DLGAP2: variants seen among roughly 807,000 people sequenced by gnomAD.
The protein encoded by DLGAP2 is disks large-associated protein 2.
Under a neutral mutation model 100.3 loss-of-function variants are expected in DLGAP2, and 26 were observed. The ratio of observed to expected loss-of-function variants is 0.26; its 90% CI spans 0.19 to 0.36. The LOEUF (loss-of-function observed/expected upper bound fraction) is 0.36, where lower values mean the gene tolerates loss of function less well. DLGAP2 is among the 10% of genes least tolerant of loss of function. The probability of loss-of-function intolerance (pLI) is 1.00; values close to 1 mark genes in which losing one functional copy is unlikely to be tolerated. For missense variants in DLGAP2, 1,858 were observed against 1,453.2 expected (o/e 1.28, Z -4.53); for synonymous variants, 886 against 630.1 (o/e 1.41, Z -6.08).
chr8:1,640,943 A>G (rs1290573693), intron 8 of DLGAP2, among the ~76,000 whole-genome samples: 1 of 152,206 alleles, frequency 6.6e-6, no homozygotes, highest in Non-Finnish European at 1.5e-5. Flanking sequence ...GAGTGGATGA[A>G]AGCCGGTTGG....
At chr8:1,562,548 T>A in intron 5 of DLGAP2, among the ~76,000 whole-genome samples, 3 of 42,122 alleles carry the variant, frequency 7.1e-5, no homozygotes, top group South Asian at 1.8e-3. Context: ...GACTGTGTGG[T>A]GTTGGGTGTC....
At chr8:1,683,836 A>ATATATATATG (rs1259860325) in intron 12 of DLGAP2, among the ~76,000 whole-genome samples, 2 of 51,220 alleles carry the variant, frequency 3.9e-5, no homozygotes, top group African/African-American at 2.5e-4. Context: ...TTGCTCCACT[A>ATATATATATG]TATATATATA....
chr8:1,597,810 GCAAA>G (rs1024573859), intron 6 of DLGAP2, among the ~76,000 whole-genome samples: 7 of 152,168 alleles, frequency 4.6e-5, no homozygotes, highest in African/African-American at 1.7e-4. Flanking sequence ...CATGTCATCT[GCAAA>G]CAGAGAGAAT....
chr8:874,342 C>G (rs1797651350), intron 1 of DLGAP2, among the ~76,000 whole-genome samples: 2 of 152,074 alleles, frequency 1.3e-5, no homozygotes, highest in African/African-American at 4.8e-5. Context: ...GCATTTACAG[C>G]TATAAATTTC....
chr8:1,473,743 G>T (rs1339669994), intron 3 of DLGAP2, among the ~76,000 whole-genome samples: 2 of 152,102 alleles, frequency 1.3e-5, no homozygotes, highest in South Asian at 2.1e-4. Context: ...CATGGGGTGG[G>T]TCCCTCCATA....
chr8:1,570,502 A>C lies in DLGAP2; in HGVS notation c.1442+4608A>C, dbSNP rs1434227305. ...CTCATTTGTCTTAGTTTTAAAATTG[A>C]TTTCTGAGTTGACCATTCCCACCTA... is the stretch of plus-strand genomic sequence containing the variant. On this transcript the variant is annotated intron_variant, in intron 6 of 14. Coordinates refer to ENST00000637795, the MANE Select transcript of DLGAP2 (RefSeq NM_001346810.2). Among the ~76,000 whole-genome samples, 4 of 152,358 alleles carry C rather than the reference A, an allele frequency of 2.6e-5. No homozygotes were observed. In the South Asian group the frequency reaches 6.2e-4, roughly 24 times the overall value.
At chr8:1,219,774 G>C (rs1206618378) in intron 2 of DLGAP2, among the ~76,000 whole-genome samples, 2 of 151,990 alleles carry the variant, frequency 1.3e-5, no homozygotes, top group Non-Finnish European at 2.9e-5. Flanking sequence ...GCTTATTACA[G>C]AATCAATTTT....
intron 3 of DLGAP2, among the ~76,000 whole-genome samples, chr8:1,470,266 G>A (rs914627613): frequency 6.6e-6 from 1 of 152,130 alleles, no homozygotes; most frequent in African/African-American, 2.4e-5. Context: ...CCTGTGTTAA[G>A]TCCTGGCAGC....
At chr8:1,663,253 G>A (rs1455595237) in intron 8 of DLGAP2, among the ~76,000 whole-genome samples, 4 of 152,022 alleles carry the variant, frequency 2.6e-5, no homozygotes, top group African/African-American at 4.8e-5. Flanking sequence ...ATGCACATGC[G>A]CACTCCAAGG....
At chr8:795,627 AG>A (rs1243561466) in intron 1 of DLGAP2, among the ~76,000 whole-genome samples, 1 of 150,854 alleles carries the variant, frequency 6.6e-6, no homozygotes, top group East Asian at 1.9e-4. Flanking sequence ...GTCCAGTGAG[AG>A]CAGGCGTCCA....
chr8:852,093 A>G (rs1797192601), intron 1 of DLGAP2, among the ~76,000 whole-genome samples: 1 of 152,108 alleles, frequency 6.6e-6, no homozygotes, highest in African/African-American at 2.4e-5. Context: ...CTTTGGTGTA[A>G]ATTTTGATTT....
intron 5 of DLGAP2, among the ~76,000 whole-genome samples, chr8:1,562,014 A>G (rs1338815593): frequency 6.0e-5 from 2 of 33,314 alleles, no homozygotes; most frequent in East Asian, 1.2e-3. Flanking sequence ...GCGCCTCGTT[A>G]CTGGGGGACT....
At chr8:1,574,880 T>C (rs1802896461) in intron 6 of DLGAP2, among the ~76,000 whole-genome samples, 1 of 152,192 alleles carries the variant, frequency 6.6e-6, no homozygotes, top group Non-Finnish European at 1.5e-5. Flanking sequence ...TTTGCAAGCA[T>C]TGAGAAAATA....
intron 6 of DLGAP2, among the ~76,000 whole-genome samples, chr8:1,623,334 G>T (rs1182242859): frequency 2.0e-5 from 3 of 150,924 alleles, no homozygotes; most frequent in Admixed American, 6.6e-5. Context: ...TGATGACCTG[G>T]CACCAGTGTG....
intron 3 of DLGAP2, among the ~76,000 whole-genome samples, chr8:1,455,209 G>A (rs537751711): frequency 1.3e-5 from 2 of 152,368 alleles, no homozygotes; most frequent in Non-Finnish European, 2.9e-5. Flanking sequence ...AGTGCTCAAG[G>A]TCACAGCGCT....
At chr8:1,303,224 C>T (rs941583875) in intron 3 of DLGAP2, among the ~76,000 whole-genome samples, 2 of 152,024 alleles carry the variant, frequency 1.3e-5, no homozygotes, top group Admixed American at 6.5e-5. Context: ...GGTGAAACCC[C>T]GTCTCTACTA....
chr8:1,126,526 G>A (rs916114752), intron 2 of DLGAP2, among the ~76,000 whole-genome samples: 1 of 152,000 alleles, frequency 6.6e-6, no homozygotes, highest in Non-Finnish European at 1.5e-5. Context: ...TGGACAGGAG[G>A]CAGGCAGAGA....
chr8:1,214,545 C>G (rs1798173273), intron 2 of DLGAP2, among the ~76,000 whole-genome samples: 1 of 152,200 alleles, frequency 6.6e-6, no homozygotes, highest in Non-Finnish European at 1.5e-5. Context: ...AGTCAGATCC[C>G]AGGAGTGGAG....
At chr8:1,102,934 A>G (rs1285523297) in intron 2 of DLGAP2, among the ~76,000 whole-genome samples, 2 of 149,618 alleles carry the variant, frequency 1.3e-5, no homozygotes, top group Non-Finnish European at 3.0e-5. Context: ...CTGGGTCCCT[A>G]TGAGTCTCTG....
Sources: allele counts gnomAD v4.1 joint callset (sites outside exome capture counted in the v4.1 genomes callset), GRCh38; gene constraint gnomAD v4.1.1; transcripts MANE v1.5; gene names NCBI Gene and HGNC (gene_info 2026-07-23, HGNC 2026-07-21).